Variants in MNAT1 observed in about 807,000 individuals in gnomAD.
MNAT1 encodes the protein MNAT1 component of CDK activating kinase.
Under a neutral mutation model 42.0 loss-of-function variants are expected in MNAT1, and 43 were observed. That is an observed-to-expected ratio of 1.02 (90% CI 0.80 to 1.32). The LOEUF (loss-of-function observed/expected upper bound fraction) is 1.32. Ranked by LOEUF, MNAT1 falls within the 40% of genes most tolerant of loss-of-function variation. The probability of loss-of-function intolerance (pLI) is 0.00; values close to 1 mark genes in which losing one functional copy is unlikely to be tolerated. For missense variants in MNAT1, 306 were observed against 350.4 expected (o/e 0.87, Z 1.01); for synonymous variants, 118 against 120.0 (o/e 0.98, Z 0.11).
chr14:60,885,502 G>A (rs1489239611), intron 7 of MNAT1, among the ~76,000 whole-genome samples: 1 of 151,932 alleles, frequency 6.6e-6, no homozygotes, highest in African/African-American at 2.4e-5. Context: ...TTTTCTTGAT[G>A]ATTAGTGATG....
At chr14:60,823,930 G>A (rs748371446) in intron 6 of MNAT1, among the ~76,000 whole-genome samples, 5 of 151,876 alleles carry the variant, frequency 3.3e-5, no homozygotes, top group African/African-American at 7.3e-5. Flanking sequence ...AGGGTGAGGC[G>A]GGTGGATCAC....
At chr14:60,966,159 C>T (rs1594918399) in intron 7 of MNAT1, among the ~76,000 whole-genome samples, 1 of 151,908 alleles carries the variant, frequency 6.6e-6, no homozygotes, top group Non-Finnish European at 1.5e-5. Context: ...CAGGGTCTCA[C>T]TCTGTTGCCC....
chr14:60,752,846 C>T (rs2030157849), intron 1 of MNAT1, among the ~76,000 whole-genome samples: 1 of 152,198 alleles, frequency 6.6e-6, no homozygotes, highest in Admixed American at 6.5e-5. Flanking sequence ...CTCACTGCAA[C>T]CTCTGCCTCC....
intron 7 of MNAT1, among the ~76,000 whole-genome samples, chr14:60,951,803 G>A (rs1391442865): frequency 6.6e-6 from 1 of 151,568 alleles, no homozygotes; most frequent in Non-Finnish European, 1.5e-5. Context: ...TTTTTAGTGG[G>A]AGTTGTTTTC....
At chr14:60,891,512 C>T (rs2034843423) in intron 7 of MNAT1, among the ~76,000 whole-genome samples, 1 of 151,882 alleles carries the variant, frequency 6.6e-6, no homozygotes. Context: ...AGTGCAGTGG[C>T]ATGATTCAGC....
chr14:60,877,079 T>C (rs181201978), intron 6 of MNAT1, among the ~76,000 whole-genome samples: 139 of 152,212 alleles, frequency 9.1e-4, no homozygotes, highest in African/African-American at 2.9e-3. Context: ...AGTTTCTCTA[T>C]ATCTTCACAA....
intron 1 of MNAT1, among the ~76,000 whole-genome samples, chr14:60,758,428 C>T (rs986252894): frequency 1.2e-4 from 19 of 152,118 alleles, no homozygotes; most frequent in African/African-American, 3.4e-4. Context: ...GTCTCGAACT[C>T]CTGGGCTCAA....
At chr14:60,780,292 G>C (rs2140313569) in intron 1 of MNAT1, 3 of 1,474,306 alleles carry the variant, frequency 2.0e-6, no homozygotes, top group Middle Eastern at 3.5e-4. Context: ...TTGATATTGA[G>C]TGTGATAAGA....
At chr14:60,872,158 C>G (rs184735998) in intron 6 of MNAT1, among the ~76,000 whole-genome samples, 1 of 152,138 alleles carries the variant, frequency 6.6e-6, no homozygotes, top group Non-Finnish European at 1.5e-5. Context: ...GTGGATGGCA[C>G]AGGGGGAGCA....
At position 60,772,126 on chromosome 14, in the gene MNAT1, A is replaced by G. The variant is rs1179197804; in HGVS notation, c.90-24091A>G. Among the ~76,000 whole-genome samples, 13 of 152,090 alleles carry G rather than the reference A, an allele frequency of 8.5e-5. 2 individuals carry two copies. Among genetic ancestry groups the G allele is most frequent in the Admixed American group, 8.5e-4 (13 of 15,264 alleles). On this transcript the variant is annotated intron_variant, in intron 1 of 7. Coordinates refer to ENST00000261245, the MANE Select transcript of MNAT1 (RefSeq NM_002431.4). ...TTTTATTACAGGGTAATCACTAGGG[A>G]ATTTAAAATTAAGATCAAAACCATA...
intron 7 of MNAT1, among the ~76,000 whole-genome samples, chr14:60,902,705 G>T (rs1433833267): frequency 6.6e-6 from 1 of 151,972 alleles, no homozygotes; most frequent in African/African-American, 2.4e-5. Flanking sequence ...AGAAGAATGG[G>T]CATTTAAAAT....
At chr14:60,767,915 C>T (rs1384243076) in intron 1 of MNAT1, among the ~76,000 whole-genome samples, 1 of 152,180 alleles carries the variant, frequency 6.6e-6, no homozygotes. Flanking sequence ...AGGCACACGC[C>T]ACCACACCCA....
At chr14:60,944,659 G>A (rs2036238357) in intron 7 of MNAT1, among the ~76,000 whole-genome samples, 1 of 152,176 alleles carries the variant, frequency 6.6e-6, no homozygotes, top group South Asian at 2.1e-4. Context: ...TATGTGGCCT[G>A]TTCAGGGTTG....
At chr14:60,842,071 AC>A (rs1787920632) in intron 6 of MNAT1, among the ~76,000 whole-genome samples, 1 of 152,224 alleles carries the variant, frequency 6.6e-6, no homozygotes, top group African/African-American at 2.4e-5. Context: ...AGGTGGACAA[AC>A]GGCAGCTAAC....
intron 4 of MNAT1, among the ~76,000 whole-genome samples, chr14:60,809,424 G>A (rs1004141556): frequency 1.3e-5 from 2 of 152,012 alleles, no homozygotes; most frequent in African/African-American, 2.4e-5. Context: ...ATTTCTGAGA[G>A]CATCAGTATG....
At chr14:60,751,273 T>G (rs1052028495) in intron 1 of MNAT1, among the ~76,000 whole-genome samples, 2 of 152,176 alleles carry the variant, frequency 1.3e-5, no homozygotes, top group Non-Finnish European at 2.9e-5. Flanking sequence ...ACATTTTTTT[T>G]TACTGTAATG....
intron 1 of MNAT1, among the ~76,000 whole-genome samples, chr14:60,746,933 C>G (rs1284235159): frequency 2.5e-4 from 3 of 12,000 alleles, no homozygotes; most frequent in Non-Finnish European, 1.7e-4. Flanking sequence ...TACACACACA[C>G]ACACACACAC....
intron 7 of MNAT1, among the ~76,000 whole-genome samples, chr14:60,880,999 A>G (rs970950196): frequency 1.3e-5 from 2 of 152,236 alleles, no homozygotes; most frequent in African/African-American, 2.4e-5. Flanking sequence ...ACAAAGAGCC[A>G]GAATCGTGTA....
chr14:60,930,588 A>G (rs2035864935), intron 7 of MNAT1, among the ~76,000 whole-genome samples: 1 of 152,178 alleles, frequency 6.6e-6, no homozygotes, highest in Non-Finnish European at 1.5e-5. Flanking sequence ...AACAAGACAT[A>G]AGAAGAGAGG....
Sources: gnomAD v4.1 joint callset for allele counts (sites outside exome capture counted in the v4.1 genomes callset) on GRCh38, gnomAD v4.1.1 for gene constraint, MANE v1.5 for transcripts, NCBI Gene and HGNC (gene_info 2026-07-23, HGNC 2026-07-21) for gene names.